Variants in GRM5 observed in about 807,000 individuals in gnomAD.
GRM5 encodes glutamate metabotropic receptor 5.
Under a neutral mutation model 83.1 loss-of-function variants are expected in GRM5, and 19 were observed. The ratio of observed to expected loss-of-function variants is 0.23; its 90% CI spans 0.16 to 0.34. The LOEUF (loss-of-function observed/expected upper bound fraction) is 0.34. Among genes scored for constraint, GRM5 ranks in the 10% least tolerant of loss-of-function variants. The probability of loss-of-function intolerance (pLI) is 1.00; values close to 1 mark genes in which losing one functional copy is unlikely to be tolerated. For missense variants in GRM5, 1,160 were observed against 1,588.3 expected (o/e 0.73, Z 4.58); for synonymous variants, 675 against 633.6 (o/e 1.07, Z -0.98).
chr11:89,016,002 A>G (rs1940843938), intron 2 of GRM5, among the ~76,000 whole-genome samples: 2 of 152,256 alleles, frequency 1.3e-5, no homozygotes, highest in East Asian at 3.9e-4. Context: ...TTAGTAGAGC[A>G]GATTGCAGAT....
At chr11:88,696,061 C>T (rs1238763337) in intron 3 of GRM5, among the ~76,000 whole-genome samples, 1 of 152,116 alleles carries the variant, frequency 6.6e-6, no homozygotes, top group East Asian at 1.9e-4. Flanking sequence ...AATTGGGTCA[C>T]ACTTGGGCTT....
chr11:89,056,226 A>G (rs535897579), intron 1 of GRM5, among the ~76,000 whole-genome samples: 4 of 152,196 alleles, frequency 2.6e-5, no homozygotes, highest in Non-Finnish European at 5.9e-5. Flanking sequence ...TGAATGTAGA[A>G]TATAAAAGAT....
At position 88,576,762 on chromosome 11, in the gene GRM5, GT is replaced by G. The variant is rs1405144148; in HGVS notation, c.1691-8771del. ...ATAAATTTATAAAATGCTTAAAGTT[GT>G]TTTTGTATTTTATTGAAATAAAACA... On this transcript the variant is annotated intron_variant, in intron 7 of 9. Coordinates refer to ENST00000305447, the MANE Select transcript of GRM5 (RefSeq NM_001143831.3). Among the ~76,000 whole-genome samples, 15 of 152,204 alleles carry G rather than the reference GT, an allele frequency of 9.9e-5. 1 individual carries two copies. The East Asian group carries it at 2.5e-3, about 25-fold the overall frequency.
chr11:88,579,217 C>T (rs1411096107), intron 7 of GRM5, among the ~76,000 whole-genome samples: 3 of 152,058 alleles, frequency 2.0e-5, no homozygotes, highest in Non-Finnish European at 1.5e-5. Context: ...TGATAGGTGA[C>T]AGGTACTCAA....
At chr11:88,516,734 T>TA (rs1941530520) in intron 9 of GRM5, among the ~76,000 whole-genome samples, 2 of 151,570 alleles carry the variant, frequency 1.3e-5, no homozygotes, top group African/African-American at 2.4e-5. Flanking sequence ...TTTTTTTTTT[T>TA]AATTGGATAA....
At chr11:88,633,306 T>A (rs940986815) in intron 4 of GRM5, among the ~76,000 whole-genome samples, 7 of 152,198 alleles carry the variant, frequency 4.6e-5, no homozygotes, top group South Asian at 2.1e-4. Flanking sequence ...ATTCTTCCAA[T>A]CTGTGCCTTT....
At chr11:88,809,275 T>G (rs976079084) in intron 3 of GRM5, among the ~76,000 whole-genome samples, 2 of 152,050 alleles carry the variant, frequency 1.3e-5, no homozygotes, top group East Asian at 3.9e-4. Flanking sequence ...TTCATCAGAC[T>G]TCTTTCCCCT....
rs145125546 is a variant in GRM5 at position 88,601,269 on chromosome 11, A to G, written c.1394+3449T>C. On this transcript the variant is annotated intron_variant, in intron 5 of 9. Coordinates refer to ENST00000305447, the MANE Select transcript of GRM5 (RefSeq NM_001143831.3). ...GCAGAGACATATATCAAGAATCCGCATGCACACAAAGTCGTTATCTGCCAT... is the reference window on the plus strand; with the variant it reads ...GCAGAGACATATATCAAGAATCCGCGTGCACACAAAGTCGTTATCTGCCAT... Among the ~76,000 whole-genome samples the G allele has an allele frequency of 2.0e-5, 3 of 152,282 alleles. No homozygotes were observed. In the East Asian group the frequency reaches 5.8e-4, roughly 29 times the overall value.
At chr11:88,862,207 A>G (rs1310344723) in intron 2 of GRM5, among the ~76,000 whole-genome samples, 1 of 152,164 alleles carries the variant, frequency 6.6e-6, no homozygotes, top group Non-Finnish European at 1.5e-5. Flanking sequence ...TTGATTTATC[A>G]CTTACATGGT....
intron 2 of GRM5, among the ~76,000 whole-genome samples, chr11:88,855,547 T>A (rs1478015631): frequency 6.6e-6 from 1 of 151,902 alleles, no homozygotes; most frequent in Non-Finnish European, 1.5e-5. Flanking sequence ...TCCTTCACCT[T>A]TATAACAAGG....
At chr11:88,636,333 G>T (rs1273965067) in intron 4 of GRM5, among the ~76,000 whole-genome samples, 9 of 152,052 alleles carry the variant, frequency 5.9e-5, no homozygotes, top group Admixed American at 5.2e-4. Flanking sequence ...CCAACATGGT[G>T]AAACACTGTC....
chr11:88,867,465 T>C (rs1944691662), intron 2 of GRM5, among the ~76,000 whole-genome samples: 1 of 151,776 alleles, frequency 6.6e-6, no homozygotes, highest in South Asian at 2.1e-4. Context: ...TTATTGCGTC[T>C]TTTTTCATAA....
intron 6 of GRM5, among the ~76,000 whole-genome samples, chr11:88,596,542 TG>T (rs1937810070): frequency 6.6e-6 from 1 of 152,138 alleles, no homozygotes; most frequent in Non-Finnish European, 1.5e-5. Context: ...ATTATTCACT[TG>T]TTTCTGGACA....
intron 3 of GRM5, among the ~76,000 whole-genome samples, chr11:88,772,090 C>CA (rs1942749592): frequency 6.6e-6 from 1 of 151,788 alleles, no homozygotes; most frequent in South Asian, 2.1e-4. Context: ...TTTATTCACC[C>CA]ATTGAAGGAC....
chr11:88,813,278 G>T (rs973757599), intron 3 of GRM5, among the ~76,000 whole-genome samples: 1 of 152,074 alleles, frequency 6.6e-6, no homozygotes, highest in Non-Finnish European at 1.5e-5. Context: ...GCAGGTAGGG[G>T]GTACTAAATG....
chr11:88,774,335 T>G (rs1942803410), intron 3 of GRM5, among the ~76,000 whole-genome samples: 1 of 152,216 alleles, frequency 6.6e-6, no homozygotes, highest in African/African-American at 2.4e-5. Flanking sequence ...CTTATCAGCT[T>G]AAGGAGATTT....
At chr11:88,731,312 C>T (rs1390935875) in intron 3 of GRM5, among the ~76,000 whole-genome samples, 1 of 152,020 alleles carries the variant, frequency 6.6e-6, no homozygotes, top group Non-Finnish European at 1.5e-5. Context: ...TGTTTTGTAG[C>T]TCCATGGCAT....
intron 3 of GRM5, among the ~76,000 whole-genome samples, chr11:88,725,736 A>G (rs532964062): frequency 6.6e-6 from 1 of 152,266 alleles, no homozygotes; most frequent in East Asian, 1.9e-4. Flanking sequence ...GGTAATACCT[A>G]GGCAAACAGG....
intron 3 of GRM5, among the ~76,000 whole-genome samples, chr11:88,705,424 G>GT (rs1332689887): frequency 6.6e-6 from 1 of 151,990 alleles, no homozygotes; most frequent in Non-Finnish European, 1.5e-5. Flanking sequence ...ACCTCTAAAT[G>GT]TATCTTTTAA....
Sources: allele counts gnomAD v4.1 joint callset (sites outside exome capture counted in the v4.1 genomes callset), GRCh38; gene constraint gnomAD v4.1.1; transcripts MANE v1.5; gene names NCBI Gene and HGNC (gene_info 2026-07-23, HGNC 2026-07-21).